The following SPEG variants were observed in gnomAD, a reference collection of about 807,000 sequenced individuals.
SPEG encodes striated muscle preferentially expressed protein kinase.
Under a neutral mutation model 300.4 loss-of-function variants are expected in SPEG, and 114 were observed. The ratio of observed to expected loss-of-function variants is 0.38; its 90% confidence interval spans 0.33 to 0.44. The LOEUF (loss-of-function observed/expected upper bound fraction) is 0.44. Ranked by LOEUF, SPEG falls within the 20% of genes least tolerant of loss-of-function variation. SPEG has a pLI of 1.00. For missense variants in SPEG, 4,201 were observed against 4,586.2 expected (o/e 0.92, Z 2.43); for synonymous variants, 1,964 against 2,018.9 (o/e 0.97, Z 0.73).
intron 7 of SPEG, 27 bp downstream of exon 7, chr2:219,462,084 C>T (rs1461946623): frequency 2.6e-6 from 4 of 1,564,554 alleles, no homozygotes; most frequent in South Asian, 1.2e-5. Flanking sequence ...TGGGGCCTAG[C>T]CTCCTGTGTG....
chr2:219,482,650 C>T lies in SPEG; in HGVS notation c.5566-134C>T, dbSNP rs569352993. ...ACAGACCCAGGGGGAAGGGGACCCCCAGGAGCCCAGACTCAGTGCTGCTCG... is the reference window on the plus strand; with the variant it reads ...ACAGACCCAGGGGGAAGGGGACCCCTAGGAGCCCAGACTCAGTGCTGCTCG... On this transcript the variant is annotated intron_variant, in intron 28 of 40. Coordinates refer to ENST00000312358, the MANE Select transcript of SPEG (RefSeq NM_005876.5). 5.6e-6 allele frequency: 4 copies of T among 719,062 alleles called. No homozygotes were observed. The Admixed American group carries it at 9.2e-5, about 17-fold the overall frequency. 44.5% of individuals were successfully genotyped at this position (719,062 alleles called of 1,614,324 possible).
intron 22 of SPEG, among the ~76,000 whole-genome samples, 155 bp from the exon 23 acceptor site, chr2:219,478,989 G>T (rs1202127209): frequency 6.6e-6 from 1 of 152,150 alleles, no homozygotes; most frequent in Non-Finnish European, 1.5e-5. Context: ...GGTGGGGAGG[G>T]GGTACACGTG....
At position 219,490,609 on chromosome 2, in the gene SPEG, G is replaced by T. The variant is rs1285016471; in HGVS notation, c.9122G>T (p.Ser3041Ile). 3 of 1,612,714 alleles carry T rather than the reference G, an allele frequency of 1.9e-6. No individual in the cohort carries two copies. The African/African-American group carries it at 4.0e-5, about 21-fold the overall frequency. The change falls in exon 37 of 41, where the codon AGC becomes ATC. Residue 3041 changes from serine to isoleucine, a missense_variant. Physicochemically the swap from Ser to Ile is moderately radical, Grantham distance 142 (BLOSUM62 -2). This residue lies in a region of SPEG where 318 missense variants were observed against 429.5 expected (regional missense o/e 0.74). Coordinates refer to ENST00000312358, the MANE Select transcript of SPEG (RefSeq NM_005876.5). ...TPRYLVLIAESCGNRELLCGL... is the reference protein window; with the variant it reads ...TPRYLVLIAEICGNRELLCGL... ...CGGTACCTCGTGCTCATTGCTGAGAGCTGTGGCAACCGGGAACTCCTCTGT... is the reference window on the plus strand; with the variant it reads ...CGGTACCTCGTGCTCATTGCTGAGATCTGTGGCAACCGGGAACTCCTCTGT...
rs756032720 is a variant in SPEG, at chr2:219,451,659, C to T, written c.2292C>T (p.Ser764=). 28 of 1,587,158 alleles carry T rather than the reference C, an allele frequency of 1.8e-5. No individual in the cohort carries two copies. Among genetic ancestry groups the T allele is most frequent in the Middle Eastern group, 3.4e-4 (2 of 5,962 alleles). ...SWHKDGSALR[S]EGRLLLRAEG... is the part of the protein sequence containing the mutation. ...ACAAGGATGGGTCAGCGCTGCGCAG[C>T]GAGGGCCGCCTCCTCCTCCGGGCTG... The change falls in exon 6 of 41, where the codon AGC becomes AGT. Residue 764 remains serine (S), a synonymous_variant. Transcript: ENST00000312358. This position sits in a 1 kb window ranked among gnomAD's most constrained non-coding sequence, Gnocchi z 6.4.
rs1258664964 is a variant in SPEG, at chr2:219,493,560, C to T, written c.*774C>T. On this transcript the variant is annotated 3_prime_UTR_variant, in exon 41 of 41. Coordinates refer to ENST00000312358, the MANE Select transcript of SPEG (RefSeq NM_005876.5). ...ATCCGATCCCTACTGCCCATGTTGTCCTGACCATCCCTCCCAGCCATCCAG... is the reference window on the plus strand; with the variant it reads ...ATCCGATCCCTACTGCCCATGTTGTTCTGACCATCCCTCCCAGCCATCCAG... 1 of 464,718 alleles carries T rather than the reference C, an allele frequency of 2.2e-6. No homozygotes were observed. The highest frequency in any genetic ancestry group is 2.3e-5 in the Admixed American group (1 of 44,160). 28.8% of individuals were successfully genotyped at this position (464,718 alleles called of 1,614,324 possible). A position where few individuals can be genotyped will look rare whatever the true frequency, so the allele number is the denominator to read the frequency against.
chr2:219,482,587 G>T (rs1472993756), intron 28 of SPEG, among the ~76,000 whole-genome samples, 197 bp from the exon 29 acceptor site: 1 of 152,112 alleles, frequency 6.6e-6, no homozygotes, highest in Admixed American at 6.5e-5. Flanking sequence ...CAGGGGATTT[G>T]TCTTTAGGTG....
chr2:219,451,862 G>A lies in SPEG; in HGVS notation c.2440+55G>A. On this transcript the variant is annotated intron_variant, in intron 6 of 40. Transcript: ENST00000312358. This position sits in a 1 kb window ranked among gnomAD's most constrained non-coding sequence, Gnocchi z 6.4. ...TGGGGGCAAGCCGTGACTCTCCCCT[G>A]GCCCAGGCCCCAGTCCACCTCCCTT... 1 of 1,453,182 alleles carries A rather than the reference G, an allele frequency of 6.9e-7. No homozygotes were observed. The highest frequency in any genetic ancestry group is 9.2e-7 in the Non-Finnish European group (1 of 1,091,094). The allele number at this position is 1,453,182 out of a possible 1,614,324, so 90.0% of individuals were successfully genotyped here. A position where few individuals can be genotyped will look rare whatever the true frequency, so the allele number is the denominator to read the frequency against.
At chr2:219,442,216 C>T (rs1288724696) in intron 1 of SPEG, 5 of 529,590 alleles carry the variant, frequency 9.4e-6, no homozygotes, top group Admixed American at 5.1e-5. Context: ...CGAGCCCCGC[C>T]GAGGGCGGCG....
chr2:219,449,096 G>A lies in SPEG; in HGVS notation c.1938G>A (p.Pro646=), dbSNP rs529367775. The A allele has an allele frequency of 8.0e-6, 12 of 1,492,340 alleles. No individual in the cohort carries two copies. Among genetic ancestry groups the A allele is most frequent in the African/African-American group, 7.3e-5 (5 of 68,120 alleles). 92.4% of individuals were successfully genotyped at this position (1,492,340 alleles called of 1,614,324 possible). A position where few individuals can be genotyped will look rare whatever the true frequency, so the allele number is the denominator to read the frequency against. ...TGCGCTTCCTGCCCTGGGCCACGCC[G>A]GGCCTGGAGGGCGCTGCTGTACCCC... The part of the protein sequence containing the change: ...QAVRFLPWAT[P]GLEGAAVPQT... The change falls in exon 4 of 41, where the codon CCG becomes CCA. Residue 646 remains proline (P), a synonymous_variant. Transcript: ENST00000312358.
Position 219,443,464 on chromosome 2 carries a change from G to T in SPEG, c.389-1189G>T, listed in dbSNP as rs1689069082. 1 of 423,498 alleles carries T rather than the reference G, an allele frequency of 2.4e-6. No homozygotes were observed. The highest frequency in any genetic ancestry group is 2.0e-5 in the African/African-American group (1 of 49,712). 26.2% of individuals were successfully genotyped at this position (423,498 alleles called of 1,614,324 possible). On this transcript the variant is annotated intron_variant, in intron 1 of 40. Coordinates refer to ENST00000312358, the MANE Select transcript of SPEG (RefSeq NM_005876.5). The surrounding 1 kb of genome is among the most constrained non-coding windows in gnomAD (Gnocchi z 4.6). ...CAGTACGTGGCTCCTGCTTGTCATGGCAGCCAGAGGGAAACTGAGGCACAG... is the reference window on the plus strand; with the variant it reads ...CAGTACGTGGCTCCTGCTTGTCATGTCAGCCAGAGGGAAACTGAGGCACAG...
Position 219,451,560 on chromosome 2 carries a change from G to A in SPEG, c.2258-65G>A. On this transcript the variant is annotated intron_variant, in intron 5 of 40. Coordinates refer to ENST00000312358, the MANE Select transcript of SPEG (RefSeq NM_005876.5). The surrounding 1 kb of genome is among the most constrained non-coding windows in gnomAD (Gnocchi z 6.4). ...GGTCTCCTGTGTGGTGTGTGGGGTA[G>A]GAGTAGAGATTCTCAGTGGGCGCCT... is the stretch of plus-strand genomic sequence containing the variant. The A allele has an allele frequency of 7.1e-7, 1 of 1,404,470 alleles. No homozygotes were observed. Among genetic ancestry groups the A allele is most frequent in the Non-Finnish European group, 9.4e-7 (1 of 1,062,616 alleles). 87.0% of individuals were successfully genotyped at this position (1,404,470 alleles called of 1,614,324 possible).
chr2:219,452,930 G>C (rs192396362), intron 6 of SPEG, among the ~76,000 whole-genome samples: 52 of 152,316 alleles, frequency 3.4e-4, no homozygotes, highest in African/African-American at 1.3e-3. Flanking sequence ...TGGTTGCACG[G>C]TCTGGCTTGT....
intron 30 of SPEG, 51 bp from the exon 31 acceptor site, chr2:219,485,295 G>C (rs756454882): frequency 6.4e-7 from 1 of 1,568,856 alleles, no homozygotes; most frequent in South Asian, 1.2e-5. Context: ...AGAGAGGTGG[G>C]AACTTGCTGG....
At chr2:219,485,094 G>A (rs1395945792) in intron 30 of SPEG, 22 bp downstream of exon 30, 3 of 1,529,084 alleles carry the variant, frequency 2.0e-6, no homozygotes, top group Non-Finnish European at 2.6e-6. Flanking sequence ...CAGGGGTAGG[G>A]CAGCAGGTGC....
chr2:219,477,458 T>A lies in SPEG; in HGVS notation c.4729+13T>A. The stretch of plus-strand genomic sequence containing the variant: ...GCTGTGCATTCAGGTAGGCAGGAGT[T>A]CCGGAGAAAGGTAAAGCGCACACCC... On this transcript the variant is annotated intron_variant, in intron 20 of 40. Transcript: ENST00000312358. This position sits in a 1 kb window ranked among gnomAD's most constrained non-coding sequence, Gnocchi z 6.4. The A allele has an allele frequency of 3.8e-6, 6 of 1,564,846 alleles. No homozygotes were observed. The highest frequency in any genetic ancestry group is 5.2e-6 in the Non-Finnish European group (6 of 1,153,630).
At position 219,467,373 on chromosome 2, in the gene SPEG, A is replaced by G. The variant is rs549037485; in HGVS notation, c.3081A>G (p.Leu1027=). The stretch of plus-strand genomic sequence containing the variant: ...TCGATGGCCGCAAATGCAAGCTGCT[A>G]CTTACATCTGTACATGAGGACGACA... ...MHFDGRKCKL[L]LTSVHEDDSG... Residue 1027 remains leucine, a synonymous_variant, in exon 10 of 41, where the codon CTA becomes CTG. Coordinates refer to ENST00000312358, the MANE Select transcript of SPEG (RefSeq NM_005876.5). 3.6e-5 allele frequency: 58 copies of G among 1,612,462 alleles called. No individual in the cohort carries two copies. Among genetic ancestry groups the G allele is most frequent in the Non-Finnish European group, 4.7e-5 (55 of 1,180,000 alleles).
Position 219,479,083 on chromosome 2 carries a change from G to A in SPEG, c.5028-61G>A, listed in dbSNP as rs181341361. 2.1e-5 allele frequency: 32 copies of A among 1,507,840 alleles called. No homozygotes were observed. The Admixed American group carries it at 3.7e-4, about 17-fold the overall frequency. The allele number at this position is 1,507,840 out of a possible 1,614,324, so 93.4% of individuals were successfully genotyped here. The stretch of plus-strand genomic sequence containing the variant: ...CCCGTGCTGAGCTGGGACCTGCCCT[G>A]AGCGCTGGGCTGGGCCGGGCAGTTG... On this transcript the variant is annotated intron_variant, in intron 22 of 40. Transcript: ENST00000312358. This position sits in a 1 kb window ranked among gnomAD's most constrained non-coding sequence, Gnocchi z 5.5.
chr2:219,462,310 G>T lies in SPEG; in HGVS notation c.2629G>T (p.Asp877Tyr). The change falls in exon 8 of 41, where the codon GAC becomes TAC. Residue 877 changes from aspartate (D) to tyrosine (Y), a missense_variant. By Grantham distance (160) the Asp-to-Tyr change is radical. Around this residue, in one of 4 missense-constraint regions of SPEG, gnomAD observed 1,047 missense variants for 1,356.8 expected, o/e 0.77. Coordinates refer to ENST00000312358, the MANE Select transcript of SPEG (RefSeq NM_005876.5). ...GTACCCCCTTCAGGTCTCACTTATG[G>T]ACCAGTCAGTAAGAGAAGGCCAAGA... is the stretch of plus-strand genomic sequence containing the variant. ...APPTFKVSLM[D>Y]QSVREGQDVI... 1.3e-6 allele frequency: 2 copies of T among 1,565,992 alleles called. No individual in the cohort carries two copies. The highest frequency in any genetic ancestry group is 1.7e-6 in the Non-Finnish European group (2 of 1,154,082).
At chr2:219,492,544 A>G (rs1005316530) in intron 40 of SPEG, 50 bp from the exon 41 acceptor site, 1 of 1,579,946 alleles carries the variant, frequency 6.3e-7, no homozygotes. Flanking sequence ...GAGCCCCGGC[A>G]GCTCCCAGAG....
Sources: gnomAD v4.1 joint callset for allele counts (sites outside exome capture counted in the v4.1 genomes callset) on GRCh38, gnomAD v4.1.1 for gene constraint, gnomAD v4.1.1 regional missense constraint, Gnocchi (gnomAD v3.1) non-coding constraint, MANE v1.5 for transcripts, NCBI Gene and HGNC (gene_info 2026-07-23, HGNC 2026-07-21) for gene names.